GALNT1: variants seen among roughly 807,000 people sequenced by gnomAD.
The protein encoded by GALNT1 is GalNAc transferase 1.
Under a neutral mutation model 65.7 loss-of-function variants are expected in GALNT1, and 17 were observed. The ratio of observed to expected loss-of-function variants is 0.26; its 90% CI spans 0.18 to 0.39. GALNT1 has a LOEUF of 0.39. GALNT1 is among the 10% of genes least tolerant of loss of function. The probability of loss-of-function intolerance (pLI) is 1.00; values close to 1 mark genes in which losing one functional copy is unlikely to be tolerated. For missense variants in GALNT1, 460 were observed against 672.8 expected, an observed-to-expected ratio of 0.68 and a Z score of 3.50; for synonymous variants, 210 against 219.7, an observed-to-expected ratio of 0.96 and a Z score of 0.39.
At chr18:35,665,969 T>A (rs745849652) in intron 3 of GALNT1, among the ~76,000 whole-genome samples, 1 of 151,978 alleles carries the variant, frequency 6.6e-6, no homozygotes, top group African/African-American at 2.4e-5. Flanking sequence ...CAGAAGGTGA[T>A]GAAGGGAGAG....
chr18:35,689,186 G>T lies in GALNT1; in HGVS notation c.874G>T (p.Ala292Ser). 6.2e-7 allele frequency: 1 copy of T among 1,606,604 alleles called. No homozygotes were observed. The highest frequency in any genetic ancestry group is 8.5e-7 in the Non-Finnish European group (1 of 1,173,768). The change falls in exon 7 of 12, where the codon GCA becomes TCA. Residue 292 changes from alanine to serine, a missense_variant. Coordinates refer to ENST00000269195, the MANE Select transcript of GALNT1 (RefSeq NM_020474.4). ...RTLPVRTPTM[A>S]GGLFSIDRDY... is the part of the protein sequence containing the mutation. ...ATTGAATTTCAGGACACCTACCATG[G>T]CAGGAGGCCTTTTTTCAATAGACAG...
intron 1 of GALNT1, among the ~76,000 whole-genome samples, chr18:35,601,232 A>G (rs1162107921): frequency 1.3e-5 from 2 of 151,918 alleles, no homozygotes; most frequent in Non-Finnish European, 2.9e-5. Flanking sequence ...TTTTTGGTGT[A>G]TAGTTCTTAA....
At chr18:35,616,066 C>T (rs1180253399) in intron 1 of GALNT1, among the ~76,000 whole-genome samples, 4 of 152,172 alleles carry the variant, frequency 2.6e-5, no homozygotes, top group Non-Finnish European at 5.9e-5. Flanking sequence ...TTTGCCACCC[C>T]TTGCTCTATG....
intron 1 of GALNT1, among the ~76,000 whole-genome samples, chr18:35,645,669 A>C (rs567086518): frequency 1.3e-5 from 2 of 152,286 alleles, no homozygotes; most frequent in African/African-American, 4.8e-5. Flanking sequence ...AATAATTTCT[A>C]TGTAGAAATC....
intron 1 of GALNT1, among the ~76,000 whole-genome samples, chr18:35,638,401 A>T (rs2047119938): frequency 6.6e-6 from 1 of 152,096 alleles, no homozygotes; most frequent in South Asian, 2.1e-4. Context: ...TACAGATTTA[A>T]TGACAAAGGC....
At chr18:35,589,549 C>T (rs1240762990) in intron 1 of GALNT1, among the ~76,000 whole-genome samples, 1 of 151,842 alleles carries the variant, frequency 6.6e-6, no homozygotes, top group Non-Finnish European at 1.5e-5. Context: ...CCATTTTCAA[C>T]TCCAGAAAGC....
intron 1 of GALNT1, among the ~76,000 whole-genome samples, chr18:35,623,412 G>C (rs1273486677): frequency 6.6e-6 from 1 of 151,486 alleles, no homozygotes; most frequent in Non-Finnish European, 1.5e-5. Context: ...GGTTTTCTTT[G>C]TATTTATCTG....
intron 1 of GALNT1, among the ~76,000 whole-genome samples, chr18:35,635,524 C>T (rs577749357): frequency 9.2e-5 from 14 of 152,172 alleles, no homozygotes; most frequent in Non-Finnish European, 1.8e-4. Flanking sequence ...GGGTCATTGC[C>T]GTGACTCCAG....
In GALNT1 at chr18:35,622,761, A is replaced by G. The variant is rs1384075185; in HGVS notation, c.-103-31799A>G. On this transcript the variant is annotated intron_variant, in intron 1 of 11. Coordinates refer to ENST00000269195, the MANE Select transcript of GALNT1 (RefSeq NM_020474.4). ...CTGCGCTAGATAGGTTCTCTAGTAC[A>G]TTGTTGACAGGAAGAAGTAATAGAA... 3.3e-5 allele frequency among the ~76,000 whole-genome samples: 5 copies of G among 151,666 alleles called. No homozygotes were observed. In the East Asian group the frequency reaches 5.8e-4, roughly 18 times the overall value.
intron 3 of GALNT1, among the ~76,000 whole-genome samples, chr18:35,670,360 C>T (rs895742970): frequency 6.6e-5 from 10 of 151,966 alleles, no homozygotes; most frequent in African/African-American, 1.9e-4. Flanking sequence ...AAGAAAAATA[C>T]GTTACATTTC....
At chr18:35,658,796 G>A (rs1360718690) in intron 2 of GALNT1, among the ~76,000 whole-genome samples, 1 of 150,384 alleles carries the variant, frequency 6.6e-6, no homozygotes, top group Non-Finnish European at 1.5e-5. Flanking sequence ...TGCAACCTCC[G>A]TCTCCTGGGT....
intron 2 of GALNT1, among the ~76,000 whole-genome samples, chr18:35,655,957 A>C (rs2047379364): frequency 6.6e-6 from 1 of 152,162 alleles, no homozygotes; most frequent in Non-Finnish European, 1.5e-5. Context: ...TTTTCATCCA[A>C]AGTCAGCCTA....
chr18:35,582,836 C>T (rs2143802242), intron 1 of GALNT1, among the ~76,000 whole-genome samples: 1 of 152,322 alleles, frequency 6.6e-6, no homozygotes, highest in East Asian at 1.9e-4. Context: ...TAGTCCAGTC[C>T]TCTTTACATC....
intron 1 of GALNT1, among the ~76,000 whole-genome samples, chr18:35,594,432 A>AG (rs1415937253): frequency 6.6e-6 from 1 of 151,730 alleles, no homozygotes; most frequent in African/African-American, 2.4e-5. Context: ...AGAGGGTGAG[A>AG]GAGGGGGTCC....
chr18:35,642,452 A>AG (rs2047177386), intron 1 of GALNT1, among the ~76,000 whole-genome samples: 1 of 152,228 alleles, frequency 6.6e-6, no homozygotes, highest in Non-Finnish European at 1.5e-5. Flanking sequence ...AGGACAAGGA[A>AG]GGACCGTAAG....
rs569311339 is a variant in GALNT1 at position 35,651,726 on chromosome 18, A to C, written c.-103-2834A>C. On this transcript the variant is annotated intron_variant, in intron 1 of 11. Coordinates refer to ENST00000269195, the MANE Select transcript of GALNT1 (RefSeq NM_020474.4). ...CTTAGTAAGTGGAGAATAAGGAATA[A>C]CTTTACAATAATGGTGGCAATAAAG... Among the ~76,000 whole-genome samples, 29 of 152,322 alleles carry C rather than the reference A, an allele frequency of 1.9e-4. No individual in the cohort carries two copies. In the East Asian group the frequency reaches 5.0e-3, roughly 26 times the overall value.
chr18:35,658,222 A>G (rs984684806), intron 2 of GALNT1, among the ~76,000 whole-genome samples: 1 of 152,182 alleles, frequency 6.6e-6, no homozygotes, highest in Admixed American at 6.5e-5. Flanking sequence ...TGGACTCTGG[A>G]GGAGAGCTAG....
At chr18:35,589,087 C>T (rs939745850) in intron 1 of GALNT1, among the ~76,000 whole-genome samples, 1 of 152,144 alleles carries the variant, frequency 6.6e-6, no homozygotes. Flanking sequence ...GTGGGGAGGG[C>T]ACATGGCACT....
Position 35,689,195 on chromosome 18 carries a change from C to G in GALNT1, c.883C>G (p.Leu295Val). ...PVRTPTMAGG[L>V]FSIDRDYFQE... Reference sequence around the variant, plus strand: ...CAGGACACCTACCATGGCAGGAGGCCTTTTTTCAATAGACAGAGATTACTT... The same window carrying G: ...CAGGACACCTACCATGGCAGGAGGCGTTTTTTCAATAGACAGAGATTACTT... The change falls in exon 7 of 12, where the codon CTT becomes GTT. Residue 295 changes from leucine to valine, a missense_variant. By Grantham distance (32) the Leu-to-Val change is conservative. Transcript: ENST00000269195. 6.2e-7 allele frequency: 1 copy of G among 1,610,590 alleles called. No homozygotes were observed. The highest frequency in any genetic ancestry group is 8.5e-7 in the Non-Finnish European group (1 of 1,177,514).
Sources: gnomAD v4.1 joint callset for allele counts (sites outside exome capture counted in the v4.1 genomes callset) on GRCh38, gnomAD v4.1.1 for gene constraint, MANE v1.5 for transcripts, NCBI Gene and HGNC (gene_info 2026-07-23, HGNC 2026-07-21) for gene names.